Variants in INPP4B observed in about 807,000 individuals in gnomAD.
The protein encoded by INPP4B is inositol polyphosphate-4-phosphatase type II B.
INPP4B carries 55 observed loss-of-function variants against 122.5 expected under a neutral mutation model. The ratio of observed to expected loss-of-function variants is 0.45; its 90% CI spans 0.36 to 0.56. The LOEUF is 0.56. Ranked by LOEUF, INPP4B falls within the 20% of genes least tolerant of loss-of-function variation. The pLI is 0.00. For synonymous variants in INPP4B, 403 were observed against 388.7 expected (o/e 1.04, Z -0.43); for missense variants, 1,000 against 1,097.7 (o/e 0.91, Z 1.26).
chr4:142,219,142 C>T (rs1848422662), intron 12 of INPP4B, among the ~76,000 whole-genome samples: 1 of 152,168 alleles, frequency 6.6e-6, no homozygotes, highest in South Asian at 2.1e-4. Flanking sequence ...TGGTCATTCA[C>T]TCCGATTTTC....
intron 2 of INPP4B, among the ~76,000 whole-genome samples, chr4:142,671,457 A>G (rs1031999912): frequency 6.6e-6 from 1 of 152,102 alleles, no homozygotes; most frequent in Admixed American, 6.6e-5. Flanking sequence ...TGCTCTTACA[A>G]TGCTTTTTCC....
At chr4:142,356,617 G>A (rs1783701954) in intron 7 of INPP4B, among the ~76,000 whole-genome samples, 1 of 151,868 alleles carries the variant, frequency 6.6e-6, no homozygotes, top group Admixed American at 6.6e-5. Flanking sequence ...CTTAGTTCCT[G>A]GCACAGAACC....
intron 25 of INPP4B, among the ~76,000 whole-genome samples, chr4:142,065,100 C>G (rs1212210813): frequency 6.6e-6 from 1 of 151,626 alleles, no homozygotes; most frequent in East Asian, 1.9e-4. Context: ...GTATTTACAC[C>G]CTGCCATGTT....
intron 7 of INPP4B, among the ~76,000 whole-genome samples, chr4:142,397,412 C>T (rs1169348188): frequency 6.6e-6 from 1 of 152,128 alleles, no homozygotes; most frequent in Non-Finnish European, 1.5e-5. Context: ...TAATTGACCA[C>T]TTCATTATAA....
At chr4:142,367,027 G>A (rs1322528380) in intron 7 of INPP4B, among the ~76,000 whole-genome samples, 6 of 152,080 alleles carry the variant, frequency 3.9e-5, no homozygotes, top group African/African-American at 1.4e-4. Context: ...TACTGGGAAG[G>A]GTTAAGGGGA....
intron 8 of INPP4B, among the ~76,000 whole-genome samples, chr4:142,310,015 C>G (rs1764875889): frequency 6.6e-6 from 1 of 152,210 alleles, no homozygotes; most frequent in African/African-American, 2.4e-5. Flanking sequence ...CTGTGGCTCC[C>G]CAGTCACCTT....
intron 16 of INPP4B, among the ~76,000 whole-genome samples, chr4:142,160,819 A>T (rs749203531): frequency 3.3e-5 from 5 of 151,976 alleles, no homozygotes; most frequent in African/African-American, 1.2e-4. Context: ...TGTCTCCTCA[A>T]CCTTCTCCCT....
chr4:142,477,064 A>G (rs1422371841), intron 2 of INPP4B, among the ~76,000 whole-genome samples: 1 of 152,224 alleles, frequency 6.6e-6, no homozygotes, highest in Non-Finnish European at 1.5e-5. Flanking sequence ...AATACTCAGC[A>G]AATTCAAAGA....
chr4:142,248,147 C>T (rs930561092), intron 11 of INPP4B, among the ~76,000 whole-genome samples: 2 of 152,062 alleles, frequency 1.3e-5, no homozygotes, highest in Non-Finnish European at 2.9e-5. Context: ...CCACCCCCAT[C>T]CCAAGATCAG....
At chr4:142,676,053 A>C (rs1757715901) in intron 2 of INPP4B, among the ~76,000 whole-genome samples, 1 of 152,206 alleles carries the variant, frequency 6.6e-6, no homozygotes, top group Non-Finnish European at 1.5e-5. Context: ...GAGGAAGTCA[A>C]ATTGTCTCTG....
chr4:142,694,619 T>C (rs975229901), intron 2 of INPP4B, among the ~76,000 whole-genome samples: 1 of 152,160 alleles, frequency 6.6e-6, no homozygotes, highest in African/African-American at 2.4e-5. Flanking sequence ...ACTTGTCTGT[T>C]TTGGAGGCAT....
chr4:142,839,024 T>A (rs933497138), intron 1 of INPP4B, among the ~76,000 whole-genome samples: 1 of 152,252 alleles, frequency 6.6e-6, no homozygotes, highest in Non-Finnish European at 1.5e-5. Context: ...AGGATGTGAC[T>A]TAAATTCACA....
intron 25 of INPP4B, among the ~76,000 whole-genome samples, chr4:142,032,282 A>G (rs1470732659): frequency 6.6e-6 from 1 of 152,128 alleles, no homozygotes; most frequent in Non-Finnish European, 1.5e-5. Flanking sequence ...CAGGGGCAGC[A>G]GAGAGGTAGG....
chr4:142,567,568 A>C (rs1731901805), intron 2 of INPP4B, among the ~76,000 whole-genome samples: 1 of 152,200 alleles, frequency 6.6e-6, no homozygotes. Context: ...TTTAGGTAAT[A>C]CATGAAAATG....
intron 2 of INPP4B, among the ~76,000 whole-genome samples, chr4:142,677,795 G>T (rs1758032732): frequency 6.6e-6 from 1 of 151,994 alleles, no homozygotes. Context: ...TGAACAATGA[G>T]AACACATGGC....
At chr4:142,722,093 A>G (rs1183434000) in intron 2 of INPP4B, among the ~76,000 whole-genome samples, 2 of 152,168 alleles carry the variant, frequency 1.3e-5, no homozygotes, top group African/African-American at 4.8e-5. Flanking sequence ...TATATATGAT[A>G]TCAAATTATA....
At chr4:142,052,570 T>TAGTC (rs1334976110) in intron 25 of INPP4B, among the ~76,000 whole-genome samples, 1 of 152,068 alleles carries the variant, frequency 6.6e-6, no homozygotes, top group Non-Finnish European at 1.5e-5. Context: ...GATTTTTGTA[T>TAGTC]AGTCATTTTA....
intron 24 of INPP4B, among the ~76,000 whole-genome samples, chr4:142,083,253 G>A (rs560863686): frequency 6.6e-6 from 1 of 152,240 alleles, no homozygotes; most frequent in South Asian, 2.1e-4. Context: ...GCAGAACCAG[G>A]ATTCAAACAG....
At chr4:142,181,893 A>G (rs919857667) in intron 15 of INPP4B, among the ~76,000 whole-genome samples, 2 of 152,198 alleles carry the variant, frequency 1.3e-5, no homozygotes, top group African/African-American at 2.4e-5. Flanking sequence ...AAATCACCAC[A>G]TCAATTCACA....
Sources: gnomAD v4.1 joint callset for allele counts (sites outside exome capture counted in the v4.1 genomes callset) on GRCh38, gnomAD v4.1.1 for gene constraint, MANE v1.5 for transcripts, NCBI Gene and HGNC (gene_info 2026-07-23, HGNC 2026-07-21) for gene names.